The following TENM1 variants were observed in gnomAD, a reference collection of about 807,000 sequenced individuals.
The protein encoded by TENM1 is teneurin-1.
TENM1 carries 35 observed loss-of-function variants against 174.8 expected under a neutral mutation model. The ratio of observed to expected loss-of-function variants is 0.20; its 90% confidence interval spans 0.15 to 0.27. The LOEUF is 0.27. Among genes scored for constraint, TENM1 ranks in the 10% least tolerant of loss-of-function variants. TENM1 has a pLI of 1.00. For synonymous variants in TENM1, 781 were observed against 798.7 expected (o/e 0.98, Z 0.37); for missense variants, 1,633 against 2,130.1 (o/e 0.77, Z 4.59).
intron 28 of TENM1, among the ~76,000 whole-genome samples, chrX:124,391,361 T>C (rs1458600275): frequency 1.8e-5 from 2 of 111,947 alleles, no homozygotes; most frequent in East Asian, 5.6e-4. Flanking sequence ...GACATTGAGA[T>C]AGAGATCAAT....
At chrX:124,412,342 T>C (rs779786860) in intron 25 of TENM1, among the ~76,000 whole-genome samples, 16 of 112,714 alleles carry the variant, frequency 1.4e-4, no homozygotes, top group Admixed American at 9.3e-4. Flanking sequence ...GAGAAGCATA[T>C]AGTTTAGTTG....
rs183828294 is a variant in TENM1, at chrX:124,909,568, T to G, written c.218-13327A>C. Among the ~76,000 whole-genome samples the G allele has an allele frequency of 1.5e-3, 172 of 112,381 alleles. 1 individual carries two copies. Among genetic ancestry groups the G allele is most frequent in the African/African-American group, 5.1e-3 (158 of 30,978 alleles). Reference sequence around the variant, plus strand: ...ATTGTTCTATATGAGTTTAATGCATTTTTGTACCTCCTTTTGAAGTATTAT... The same window carrying G: ...ATTGTTCTATATGAGTTTAATGCATGTTTGTACCTCCTTTTGAAGTATTAT... On this transcript the variant is annotated intron_variant, in intron 1 of 31. Coordinates refer to ENST00000422452, the Ensembl canonical transcript of TENM1.
intron 6 of TENM1, among the ~76,000 whole-genome samples, chrX:124,658,017 A>C (rs568176484): frequency 8.9e-6 from 1 of 112,115 alleles, no homozygotes; most frequent in Admixed American, 9.5e-5. Flanking sequence ...TCTGAATATA[A>C]TACTTGTTTA....
rs142139372 is a variant in TENM1, at chrX:124,952,258, G to T, written c.217+11279C>A. 1.9e-4 allele frequency among the ~76,000 whole-genome samples: 21 copies of T among 109,875 alleles called. No individual in the cohort carries two copies. In the East Asian group the frequency reaches 5.4e-3, roughly 28 times the overall value. On this transcript the variant is annotated intron_variant, in intron 1 of 31. Transcript: ENST00000422452. ...TCATATACTAGTACATCTTGCTTAA[G>T]AAAATGCAATCAATAGAAAAAAATT...
chrX:125,013,888 T>A, the TENM1 span, among the ~76,000 whole-genome samples: 2 of 111,874 alleles, frequency 1.8e-5, no homozygotes, highest in Non-Finnish European at 3.8e-5. Context: ...ATAGAAAACA[T>A]TTTTGTTAAA....
At chrX:124,618,185 G>A (rs2050438393) in intron 11 of TENM1, among the ~76,000 whole-genome samples, 1 of 111,436 alleles carries the variant, frequency 9.0e-6, no homozygotes, top group Non-Finnish European at 1.9e-5. Context: ...CTTGGACTGG[G>A]ATGAAGCTTT....
intron 1 of TENM1, among the ~76,000 whole-genome samples, chrX:124,952,368 GTA>G (rs1491033136): frequency 3.4e-4 from 35 of 103,072 alleles, no homozygotes; most frequent in African/African-American, 1.3e-3. Flanking sequence ...GTGTGTGTGT[GTA>G]TGTGCATCTG....
At chrX:124,999,418 T>A in the TENM1 span, among the ~76,000 whole-genome samples, 1 of 110,786 alleles carries the variant, frequency 9.0e-6, no homozygotes, top group Non-Finnish European at 1.9e-5. Context: ...GAAGAACAAG[T>A]TAAATTTCCG....
At chrX:125,156,597 T>C in the TENM1 span, among the ~76,000 whole-genome samples, 3 of 112,564 alleles carry the variant, frequency 2.7e-5, no homozygotes, top group Admixed American at 2.8e-4. Flanking sequence ...TTCATTCTTT[T>C]TTTATGGCTG....
At chrX:124,847,544 ATAAT>A (rs1045844997) in intron 3 of TENM1, among the ~76,000 whole-genome samples, 1 of 110,703 alleles carries the variant, frequency 9.0e-6, no homozygotes, top group African/African-American at 3.3e-5. Context: ...AATTGTAGAC[ATAAT>A]TAATTGAATG....
rs767372672 is a variant in TENM1 at position 124,408,447 on chromosome X, T to A, written c.4983-1958A>T. Among the ~76,000 whole-genome samples the A allele has an allele frequency of 6.3e-4, 70 of 111,525 alleles. No individual in the cohort carries two copies. The Middle Eastern group carries it at 0.023, about 37-fold the overall frequency. On this transcript the variant is annotated intron_variant, in intron 25 of 31. Coordinates refer to ENST00000422452, the Ensembl canonical transcript of TENM1. ...GCGTGAGCCACCACGCCCGGCCCAC[T>A]GTCCAGCCATTATTCTCCCAAGGTA...
intron 1 of TENM1, among the ~76,000 whole-genome samples, chrX:124,920,833 G>A (rs111338107): frequency 0.011 from 1,235 of 109,127 alleles, 22 homozygotes; most frequent in African/African-American, 0.038. Flanking sequence ...ATTGCATTTT[G>A]TATGTACCAG....
chrX:125,060,181 T>TCA, the TENM1 span, among the ~76,000 whole-genome samples: 1,842 of 93,769 alleles, frequency 0.02, 24 homozygotes, highest in East Asian at 0.062. Flanking sequence ...TCTCTCTCTC[T>TCA]CACACACACA....
intron 3 of TENM1, among the ~76,000 whole-genome samples, chrX:124,878,290 A>T (rs1255836921): frequency 9.0e-6 from 1 of 111,376 alleles, no homozygotes. Flanking sequence ...TAGTCCAGAG[A>T]ACCACAGAAC....
At chrX:125,081,098 T>G in the TENM1 span, among the ~76,000 whole-genome samples, 26 of 111,281 alleles carry the variant, frequency 2.3e-4, no homozygotes, top group African/African-American at 8.1e-4. Flanking sequence ...GACAGCAGCT[T>G]TATCTATGTG....
At chrX:124,895,843 C>T (rs1184935138) in intron 2 of TENM1, 138 bp downstream of exon 5, 1 of 695,655 alleles carries the variant, frequency 1.4e-6, no homozygotes, top group Non-Finnish European at 2.1e-6. Flanking sequence ...CATGCCTTGT[C>T]CATGAGTCCC....
chrX:124,515,876 A>G (rs1461223770), intron 18 of TENM1, among the ~76,000 whole-genome samples: 1 of 110,767 alleles, frequency 9.0e-6, no homozygotes, highest in Non-Finnish European at 1.9e-5. Flanking sequence ...CCCCCCAAAA[A>G]AGCCTAAATA....
chrX:124,859,343 G>A (rs2056869047), intron 3 of TENM1, among the ~76,000 whole-genome samples: 1 of 109,864 alleles, frequency 9.1e-6, no homozygotes, highest in South Asian at 4.0e-4. Context: ...AGGAGTTCAA[G>A]ACCAGCCTGG....
the TENM1 span, among the ~76,000 whole-genome samples, chrX:125,186,570 G>A: frequency 8.6e-5 from 9 of 105,055 alleles, no homozygotes; most frequent in African/African-American, 3.2e-4. Context: ...CATGAGAAAT[G>A]CTGGTTGAAA....
Sources: gnomAD v4.1 joint callset for allele counts (sites outside exome capture counted in the v4.1 genomes callset) on GRCh38, gnomAD v4.1.1 for gene constraint, MANE v1.5 for transcripts, NCBI Gene and HGNC (gene_info 2026-07-23, HGNC 2026-07-21) for gene names.